The following ATP11B variants were observed in gnomAD, a reference collection of about 807,000 sequenced individuals.
ATP11B encodes phospholipid-transporting ATPase IF.
In ATP11B, 81 loss-of-function variants were observed where a neutral mutation model predicts 157.8. That is an observed-to-expected ratio of 0.51 (90% CI 0.43 to 0.62). The LOEUF (loss-of-function observed/expected upper bound fraction) is 0.62, where lower values mean the gene tolerates loss of function less well. Among genes scored for constraint, ATP11B ranks in the 20% least tolerant of loss-of-function variants. The probability of loss-of-function intolerance (pLI) is 0.00; values close to 1 mark genes in which losing one functional copy is unlikely to be tolerated. For missense variants in ATP11B, 1,165 were observed against 1,402.2 expected (o/e 0.83, Z 2.70); for synonymous variants, 451 against 469.4 (o/e 0.96, Z 0.51).
At chr3:182,905,718 G>A (rs750606574) in intron 28 of ATP11B, 1 of 451,046 alleles carries the variant, frequency 2.2e-6, no homozygotes. Context: ...CCAACTTGTT[G>A]CTTTGATCTT....
chr3:182,876,676 A>C (rs868705812), intron 19 of ATP11B, among the ~76,000 whole-genome samples: 1 of 152,232 alleles, frequency 6.6e-6, no homozygotes, highest in Non-Finnish European at 1.5e-5. Flanking sequence ...GTGTCCACAC[A>C]TGGTGGAAGG....
intron 9 of ATP11B, among the ~76,000 whole-genome samples, chr3:182,845,987 AT>A (rs1719489721): frequency 6.6e-6 from 1 of 152,226 alleles, no homozygotes; most frequent in Non-Finnish European, 1.5e-5. Flanking sequence ...GATCAAAAGG[AT>A]GAATAAGTAC....
Position 182,885,992 on chromosome 3 carries a change from C to G in ATP11B, c.2697C>G (p.Tyr899Ter), listed in dbSNP as rs1722770962. 3 of 1,494,276 alleles carry G rather than the reference C, an allele frequency of 2.0e-6. No individual in the cohort carries two copies. The highest frequency in any genetic ancestry group is 2.6e-6 in the Non-Finnish European group (3 of 1,132,206). 92.6% of individuals were successfully genotyped at this position (1,494,276 alleles called of 1,614,324 possible). Reference sequence around the variant, plus strand: ...CACCCCAGTTTTTATATCAGTTCTACTGTTTGTTTTCTCAGCAAGTAAGTA... The same window carrying G: ...CACCCCAGTTTTTATATCAGTTCTAGTGTTTGTTTTCTCAGCAAGTAAGTA... ...FITPQFLYQF[Y>*]CLFSQQTLYD... Residue 899 changes from tyrosine (Y) to a stop codon, truncating the protein, a stop_gained, in exon 23 of 30, where the codon TAC becomes TAG. Transcript: ENST00000323116. LOFTEE classifies it high-confidence loss of function.
At chr3:182,891,003 G>A (rs981594955) in intron 25 of ATP11B, among the ~76,000 whole-genome samples, 14 of 152,110 alleles carry the variant, frequency 9.2e-5, no homozygotes, top group Non-Finnish European at 1.6e-4. Context: ...AAACCTGCAC[G>A]TTGTGCACAT....
chr3:182,896,621 G>T, intron 25 of ATP11B, 79 bp from the exon 26 acceptor site: 3 of 1,204,740 alleles, frequency 2.5e-6, no homozygotes, highest in Non-Finnish European at 3.7e-6. Context: ...GGGATTTTTA[G>T]TAGAGAATTA....
intron 7 of ATP11B, 43 bp downstream of exon 7, chr3:182,837,217 C>A: frequency 7.5e-7 from 1 of 1,337,258 alleles, no homozygotes. Flanking sequence ...GTCCTATTTA[C>A]AGACCTCATT....
intron 25 of ATP11B, 67 bp downstream of exon 25, chr3:182,889,615 T>C: frequency 7.6e-7 from 1 of 1,310,428 alleles, no homozygotes. Flanking sequence ...GCTTTTGTCA[T>C]AAAGTAAAAT....
chr3:182,874,244 C>T (rs751814129), intron 19 of ATP11B, among the ~76,000 whole-genome samples: 1 of 152,206 alleles, frequency 6.6e-6, no homozygotes, highest in Non-Finnish European at 1.5e-5. Context: ...AACACAATCA[C>T]ATTCATTTGT....
In ATP11B at chr3:182,913,857, G is replaced by T. The variant is rs773539019; in HGVS notation, c.3319-4G>T. On this transcript the variant is annotated splice_region_variant and splice_polypyrimidine_tract_variant and intron_variant, in intron 28 of 29. Coordinates refer to ENST00000323116, the MANE Select transcript of ATP11B (RefSeq NM_014616.3). ...ACTGATGTTTTCTGCTTCACCTCCC[G>T]CAGCTTACTGAAACAAATGCAGGTA... The T allele has an allele frequency of 1.4e-5, 22 of 1,613,778 alleles. No individual in the cohort carries two copies. The East Asian group carries it at 3.3e-4, about 25-fold the overall frequency.
chr3:182,884,079 T>C (rs559380527), intron 21 of ATP11B, among the ~76,000 whole-genome samples: 76 of 152,250 alleles, frequency 5.0e-4, no homozygotes, highest in African/African-American at 1.8e-3. Context: ...GACAAAGTTT[T>C]AGTTTTGAAA....
intron 2 of ATP11B, among the ~76,000 whole-genome samples, chr3:182,826,471 T>C (rs1717727804): frequency 1.3e-5 from 2 of 152,206 alleles, no homozygotes; most frequent in East Asian, 1.9e-4. Context: ...CTCTGACAAC[T>C]GATTTTTAAT....
At chr3:182,816,193 A>C (rs1716960734) in intron 1 of ATP11B, among the ~76,000 whole-genome samples, 1 of 152,214 alleles carries the variant, frequency 6.6e-6, no homozygotes, top group Admixed American at 6.5e-5. Context: ...AGAATATGAT[A>C]GCTTTCAAAT....
intron 19 of ATP11B, among the ~76,000 whole-genome samples, chr3:182,877,780 A>T (rs1433940569): frequency 6.6e-6 from 1 of 152,206 alleles, no homozygotes; most frequent in Non-Finnish European, 1.5e-5. Context: ...GTAGTGATGC[A>T]TGAGGGCTAC....
intron 5 of ATP11B, 53 bp downstream of exon 5, chr3:182,836,195 T>C: frequency 1.3e-6 from 2 of 1,569,752 alleles, no homozygotes; most frequent in South Asian, 2.2e-5. Flanking sequence ...TCACAGGACA[T>C]AATTCTAATC....
At chr3:182,796,696 G>A (rs894466306) in intron 1 of ATP11B, among the ~76,000 whole-genome samples, 3 of 152,158 alleles carry the variant, frequency 2.0e-5, no homozygotes, top group Non-Finnish European at 2.9e-5. Flanking sequence ...ACAAATGTTG[G>A]TCAGGGTCAC....
Position 182,921,483 on chromosome 3 carries a change from T to TAA in ATP11B, c.*3379_*3380insAA, listed in dbSNP as rs1725485484. 2 of 152,222 alleles carry TAA rather than the reference T, an allele frequency of 1.3e-5. No individual in the cohort carries two copies. Among genetic ancestry groups the TAA allele is most frequent in the Non-Finnish European group, 2.9e-5 (2 of 68,032 alleles). The allele number at this position is 152,222 out of a possible 1,614,324, so 9.4% of individuals were successfully genotyped here. On this transcript the variant is annotated 3_prime_UTR_variant, in exon 30 of 30. Coordinates refer to ENST00000323116, the MANE Select transcript of ATP11B (RefSeq NM_014616.3). ...ATTGTAGCAATACTTGGTTTAAAATTTTGGACCTGAGACACTGTGGCTGTC... is the reference window on the plus strand; with the variant it reads ...ATTGTAGCAATACTTGGTTTAAAATTAATTGGACCTGAGACACTGTGGCTGTC...
chr3:182,847,083 C>T (rs1350242351), intron 9 of ATP11B, among the ~76,000 whole-genome samples: 20 of 136,242 alleles, frequency 1.5e-4, no homozygotes, highest in African/African-American at 5.5e-4. Flanking sequence ...GACATGGTTA[C>T]TCTGTTGCCC....
Position 182,879,540 on chromosome 3 carries a change from G to T in ATP11B, c.2297G>T (p.Gly766Val). Residue 766 changes from glycine to valine, a missense_variant, in exon 20 of 30, where the codon GGG becomes GTG. Physicochemically the swap from Gly to Val is moderately radical, Grantham distance 109 (BLOSUM62 -3). This residue lies in a region of ATP11B where 737 missense variants were observed against 930.5 expected (regional missense o/e 0.79). Coordinates refer to ENST00000323116, the MANE Select transcript of ATP11B (RefSeq NM_014616.3). The stretch of plus-strand genomic sequence containing the variant: ...ATTCAGCATGGGCTGGTAGTGGATG[G>T]GACCAGCCTATCTCTTGCACTCAGG... Reference protein sequence around the residue: ...HVIQHGLVVDGTSLSLALREH... With the variant: ...HVIQHGLVVDVTSLSLALREH... The T allele has an allele frequency of 6.2e-7, 1 of 1,613,388 alleles. No homozygotes were observed. The highest frequency in any genetic ancestry group is 8.5e-7 in the Non-Finnish European group (1 of 1,179,668).
rs73883938 is a variant in ATP11B at position 182,914,517 on chromosome 3, T to C, written c.3452+523T>C. On this transcript the variant is annotated intron_variant, in intron 29 of 29. Coordinates refer to ENST00000323116, the MANE Select transcript of ATP11B (RefSeq NM_014616.3). Reference sequence around the variant, plus strand: ...ATTTCTGCTCCCCTACCTCTTCTTATGTCTGTAATGAAGTTTTGAAATGAG... The same window carrying C: ...ATTTCTGCTCCCCTACCTCTTCTTACGTCTGTAATGAAGTTTTGAAATGAG... 8,070 of 985,416 alleles carry C rather than the reference T, an allele frequency of 8.2e-3. 460 individuals carry two copies. The African/African-American group carries it at 0.12, about 15-fold the overall frequency. The allele number at this position is 985,416 out of a possible 1,614,324, so 61.0% of individuals were successfully genotyped here.
Sources: allele counts gnomAD v4.1 joint callset (sites outside exome capture counted in the v4.1 genomes callset), GRCh38; gene constraint gnomAD v4.1.1; regional missense constraint gnomAD v4.1.1; transcripts MANE v1.5; gene names NCBI Gene and HGNC (gene_info 2026-07-23, HGNC 2026-07-21).